The following ADSS2 variants were observed in gnomAD, a reference collection of about 807,000 sequenced individuals.
ADSS2 encodes adenylosuccinate synthetase isozyme 2.
In ADSS2, 30 loss-of-function variants were observed where a neutral mutation model predicts 60.0. The ratio of observed to expected loss-of-function variants is 0.50; its 90% CI spans 0.37 to 0.68. The LOEUF (loss-of-function observed/expected upper bound fraction) is 0.68, where lower values mean the gene tolerates loss of function less well. Ranked by LOEUF, ADSS2 falls within the 30% of genes least tolerant of loss-of-function variation. The pLI, the probability that ADSS2 is intolerant of heterozygous loss-of-function variation, is 0.00. For synonymous variants in ADSS2, 187 were observed against 193.1 expected, an observed-to-expected ratio of 0.97 and a Z score of 0.26; for missense variants, 373 against 554.8, an observed-to-expected ratio of 0.67 and a Z score of 3.29.
At chr1:244,416,719 T>A (rs930478174) in intron 10 of ADSS2, among the ~76,000 whole-genome samples, 2 of 152,210 alleles carry the variant, frequency 1.3e-5, no homozygotes, top group Non-Finnish European at 2.9e-5. Context: ...CAGAACTCAC[T>A]ACACTACATG....
intron 3 of ADSS2, among the ~76,000 whole-genome samples, chr1:244,435,255 G>A (rs1665067493): frequency 6.7e-6 from 1 of 148,946 alleles, no homozygotes; most frequent in Non-Finnish European, 1.5e-5. Flanking sequence ...TAATTCAAGG[G>A]GAAACTAACT....
chr1:244,415,756 A>G (rs994146107), intron 11 of ADSS2, among the ~76,000 whole-genome samples: 2 of 152,092 alleles, frequency 1.3e-5, no homozygotes, highest in African/African-American at 2.4e-5. Flanking sequence ...TCAGAGGTCC[A>G]TGTTTTTTCT....
chr1:244,413,152 T>C (rs1319807817), intron 11 of ADSS2, among the ~76,000 whole-genome samples: 7 of 152,130 alleles, frequency 4.6e-5, no homozygotes, highest in African/African-American at 9.7e-5. Context: ...GGGCAGCAGG[T>C]GGTAGAACAA....
chr1:244,420,280 A>C lies in ADSS2; in HGVS notation c.680T>G (p.Ile227Ser), dbSNP rs1321397058. The change falls in exon 8 of 13, where the codon ATT becomes AGT. Residue 227 changes from isoleucine to serine, a missense_variant. Physicochemically the swap from Ile to Ser is moderately radical, Grantham distance 142. Coordinates refer to ENST00000366535, the MANE Select transcript of ADSS2 (RefSeq NM_001126.5). The stretch of plus-strand genomic sequence containing the variant: ...AACTCCATCTCTCACCATTGGTTTA[A>C]TCTTTTCCATATAACCCTATACACA... ...LQKLKGYMEK[I>S]KPMVRDGVYF... is the part of the protein sequence containing the mutation. 1 of 1,612,792 alleles carries C rather than the reference A, an allele frequency of 6.2e-7. No individual in the cohort carries two copies. The highest frequency in any genetic ancestry group is 1.3e-5 in the African/African-American group (1 of 74,872).
chr1:244,425,951 C>T (rs1454943676), intron 4 of ADSS2, among the ~76,000 whole-genome samples: 1 of 152,048 alleles, frequency 6.6e-6, no homozygotes, highest in Non-Finnish European at 1.5e-5. Flanking sequence ...CTCAAATTTT[C>T]ATCAATGGTA....
chr1:244,447,872 T>C (rs955782947), intron 1 of ADSS2, among the ~76,000 whole-genome samples: 8 of 152,158 alleles, frequency 5.3e-5, no homozygotes, highest in Admixed American at 3.9e-4. Context: ...CCAGAATACA[T>C]TGGTTGAGTA....
In ADSS2 at chr1:244,422,933, A is replaced by T. The variant is rs750388925; in HGVS notation, c.582-17T>A. Reference sequence around the variant, plus strand: ...ACTTTAAACCTGAGAAACACAGATAAATCAAGACATTACCACTCTGTGAAA... The same window carrying T: ...ACTTTAAACCTGAGAAACACAGATATATCAAGACATTACCACTCTGTGAAA... On this transcript the variant is annotated splice_polypyrimidine_tract_variant and intron_variant, in intron 6 of 12. Transcript: ENST00000366535. 4 of 1,466,920 alleles carry T rather than the reference A, an allele frequency of 2.7e-6. No homozygotes were observed. The highest frequency in any genetic ancestry group is 2.8e-6 in the Non-Finnish European group (3 of 1,053,116). The allele number at this position is 1,466,920 out of a possible 1,614,324, so 90.9% of individuals were successfully genotyped here.
At chr1:244,445,910 A>G (rs180770149) in intron 1 of ADSS2, among the ~76,000 whole-genome samples, 170 of 152,296 alleles carry the variant, frequency 1.1e-3, no homozygotes, top group Non-Finnish European at 1.7e-3. Context: ...GCCCAGAGGC[A>G]TTTTTCAGGC....
chr1:244,434,925 T>C (rs1011788238), intron 3 of ADSS2, among the ~76,000 whole-genome samples: 2 of 151,910 alleles, frequency 1.3e-5, no homozygotes, highest in African/African-American at 4.8e-5. Flanking sequence ...TCCCAGCACC[T>C]TGGGAGGCCG....
chr1:244,427,052 C>A (rs1341614356), intron 4 of ADSS2, among the ~76,000 whole-genome samples: 1 of 152,108 alleles, frequency 6.6e-6, no homozygotes, highest in Non-Finnish European at 1.5e-5. Flanking sequence ...ATCTGGATTT[C>A]ATATTTAAAT....
At chr1:244,427,365 GTAAGT>G (rs1004019802) in intron 4 of ADSS2, among the ~76,000 whole-genome samples, 1 of 152,114 alleles carries the variant, frequency 6.6e-6, no homozygotes, top group African/African-American at 2.4e-5. Context: ...GGTATAGCTA[GTAAGT>G]TAACAGTGGA....
At chr1:244,438,681 C>G (rs1665161209) in intron 1 of ADSS2, among the ~76,000 whole-genome samples, 2 of 152,160 alleles carry the variant, frequency 1.3e-5, no homozygotes, top group Admixed American at 6.5e-5. Context: ...TTAACAACAT[C>G]CTTCTATAAC....
chr1:244,427,457 T>C (rs1664833778), intron 4 of ADSS2, among the ~76,000 whole-genome samples: 1 of 152,034 alleles, frequency 6.6e-6, no homozygotes, highest in Non-Finnish European at 1.5e-5. Flanking sequence ...CAGACATAAA[T>C]CCAACCATAG....
chr1:244,422,276 A>G (rs1169724775), intron 7 of ADSS2, among the ~76,000 whole-genome samples: 1 of 152,216 alleles, frequency 6.6e-6, no homozygotes, highest in African/African-American at 2.4e-5. Context: ...AAAAATCGTA[A>G]AAGGTGAAAG....
At chr1:244,433,125 A>G (rs1664990108) in intron 3 of ADSS2, among the ~76,000 whole-genome samples, 1 of 151,896 alleles carries the variant, frequency 6.6e-6, no homozygotes, top group South Asian at 2.1e-4. Context: ...AATCCCAGCT[A>G]CTCGGGTAGC....
rs756564296 is a variant in ADSS2, at chr1:244,418,761, T to C, written c.944A>G (p.Asn315Ser). The part of the protein sequence containing the change: ...GIGAFPTEQD[N>S]EIGELLQTRG... ...ATTATTTACTTAGAATAGGCTTACA[T>C]TGTCTTGCTCTGTAGGAAAGGCACC... Residue 315 changes from asparagine to serine, a missense_variant and splice_region_variant, in exon 9 of 13, where the codon AAT becomes AGT. Around this residue, in one of 5 missense-constraint regions of ADSS2, gnomAD observed 130 missense variants for 169.4 expected, o/e 0.77. Transcript: ENST00000366535. 4.4e-6 allele frequency: 7 copies of C among 1,593,140 alleles called. No individual in the cohort carries two copies. Among genetic ancestry groups the C allele is most frequent in the Admixed American group, 3.7e-5 (2 of 53,404 alleles).
At chr1:244,439,233 CT>C (rs1482900991) in intron 1 of ADSS2, among the ~76,000 whole-genome samples, 1 of 152,136 alleles carries the variant, frequency 6.6e-6, no homozygotes, top group Admixed American at 6.6e-5. Context: ...GGATTTCATT[CT>C]TTTTTTGGTT....
Position 244,451,601 on chromosome 1 carries a change from G to C in ADSS2, c.183+34C>G. 1 of 1,578,994 alleles carries C rather than the reference G, an allele frequency of 6.3e-7. No individual in the cohort carries two copies. The highest frequency in any genetic ancestry group is 8.6e-7 in the Non-Finnish European group (1 of 1,162,714). Reference sequence around the variant, plus strand: ...GGAGCCAGGCAGCCCGAGCTCCCGGGCCCGGCTTCCCATGAGAGGCCCCGT... The same window carrying C: ...GGAGCCAGGCAGCCCGAGCTCCCGGCCCCGGCTTCCCATGAGAGGCCCCGT... On this transcript the variant is annotated intron_variant, in intron 1 of 12. Coordinates refer to ENST00000366535, the MANE Select transcript of ADSS2 (RefSeq NM_001126.5). This position sits in a 1 kb window ranked among gnomAD's most constrained non-coding sequence, Gnocchi z 6.6.
At chr1:244,416,457 A>G (rs1055775809) in intron 10 of ADSS2, among the ~76,000 whole-genome samples, 1 of 152,158 alleles carries the variant, frequency 6.6e-6, no homozygotes, top group Non-Finnish European at 1.5e-5. Context: ...ACCTGGGACT[A>G]CAGGCGTGTG....
Sources: allele counts gnomAD v4.1 joint callset (sites outside exome capture counted in the v4.1 genomes callset), GRCh38; gene constraint gnomAD v4.1.1; regional missense constraint gnomAD v4.1.1; non-coding constraint Gnocchi (gnomAD v3.1); transcripts MANE v1.5; gene names NCBI Gene and HGNC (gene_info 2026-07-23, HGNC 2026-07-21).